KCNMA1: variants seen among roughly 807,000 people sequenced by gnomAD.
KCNMA1 encodes the protein potassium calcium-activated channel subfamily M alpha 1.
KCNMA1 carries 29 observed loss-of-function variants against 140.0 expected under a neutral mutation model. That is an observed-to-expected ratio of 0.21 (90% CI 0.15 to 0.28). KCNMA1 has a LOEUF of 0.28. Ranked by LOEUF, KCNMA1 falls within the 10% of genes least tolerant of loss-of-function variation. KCNMA1 has a pLI of 1.00. For synonymous variants in KCNMA1, 612 were observed against 611.9 expected (o/e 1.00, Z 0.00); for missense variants, 880 against 1,602.2 (o/e 0.55, Z 7.70).
At chr10:77,330,071 G>A (rs928155289) in intron 2 of KCNMA1, among the ~76,000 whole-genome samples, 5 of 152,072 alleles carry the variant, frequency 3.3e-5, no homozygotes, top group Non-Finnish European at 7.4e-5. Flanking sequence ...CCCTTTCTTT[G>A]TACTGTTTCT....
At chr10:77,119,727 A>T (rs1203350469) in intron 6 of KCNMA1, among the ~76,000 whole-genome samples, 1 of 152,204 alleles carries the variant, frequency 6.6e-6, no homozygotes, top group Non-Finnish European at 1.5e-5. Context: ...GAGGACTGAT[A>T]AATTCTTATC....
chr10:77,256,650 G>A (rs1168913204), intron 2 of KCNMA1, among the ~76,000 whole-genome samples: 1 of 152,102 alleles, frequency 6.6e-6, no homozygotes, highest in Admixed American at 6.6e-5. Flanking sequence ...CTCCTGAGCA[G>A]GTTTTACACA....
intron 5 of KCNMA1, among the ~76,000 whole-genome samples, chr10:77,173,764 T>G (rs17482756): frequency 0.11 from 16,768 of 152,158 alleles, 1,016 homozygotes; most frequent in Middle Eastern, 0.17. Flanking sequence ...GATGTCCAAG[T>G]TGAAAGTCAG....
At chr10:77,434,326 G>C (rs1376132162) in intron 1 of KCNMA1, among the ~76,000 whole-genome samples, 1 of 152,184 alleles carries the variant, frequency 6.6e-6, no homozygotes, top group African/African-American at 2.4e-5. Flanking sequence ...AGTGTGTCTC[G>C]TTCCTGTGGA....
chr10:77,240,308 T>C (rs1329637907), intron 3 of KCNMA1, among the ~76,000 whole-genome samples: 2 of 152,220 alleles, frequency 1.3e-5, no homozygotes, highest in Non-Finnish European at 2.9e-5. Context: ...AAGCTGTAGA[T>C]GATTTATTGG....
chr10:77,153,714 C>T (rs2098450926), intron 5 of KCNMA1, among the ~76,000 whole-genome samples: 1 of 152,080 alleles, frequency 6.6e-6, no homozygotes, highest in South Asian at 2.1e-4. Context: ...TTTTATTCTG[C>T]ATTTCTCAGA....
intron 25 of KCNMA1, among the ~76,000 whole-genome samples, chr10:76,896,523 G>A (rs887601103): frequency 6.6e-6 from 1 of 152,168 alleles, no homozygotes; most frequent in African/African-American, 2.4e-5. Flanking sequence ...GGGATTAAGA[G>A]ATTAAAGACA....
intron 1 of KCNMA1, among the ~76,000 whole-genome samples, chr10:77,559,539 C>T (rs559899034): frequency 6.6e-6 from 1 of 152,208 alleles, no homozygotes; most frequent in Non-Finnish European, 1.5e-5. Flanking sequence ...GAGGCCACAC[C>T]ACCAGCTGTC....
At chr10:77,427,714 TCCATTC>T in intron 1 of KCNMA1, among the ~76,000 whole-genome samples, 1 of 106,126 alleles carries the variant, frequency 9.4e-6, no homozygotes, top group African/African-American at 3.9e-5. Flanking sequence ...TGAGCATCCA[TCCATTC>T]ATTTATTTAT....
chr10:77,129,067 T>C (rs185777588), intron 5 of KCNMA1, among the ~76,000 whole-genome samples: 1 of 152,346 alleles, frequency 6.6e-6, no homozygotes, highest in Non-Finnish European at 1.5e-5. Context: ...GGGTCTGGGA[T>C]ACAAGCTGGG....
At chr10:77,224,517 C>A (rs1269520094) in intron 3 of KCNMA1, among the ~76,000 whole-genome samples, 2 of 152,162 alleles carry the variant, frequency 1.3e-5, no homozygotes, top group Non-Finnish European at 2.9e-5. Context: ...CAGCCCAGAG[C>A]TCAGGAAAGC....
rs188092492 is a variant in KCNMA1 at position 77,393,004 on chromosome 10, G to T, written c.540+10858C>A. 3.2e-3 allele frequency among the ~76,000 whole-genome samples: 482 copies of T among 152,344 alleles called. 2 individuals carry two copies. Among genetic ancestry groups the T allele is most frequent in the Admixed American group, 0.02 (308 of 15,304 alleles). ...AACGTACAGCTCCAGGGAGAGCCCA[G>T]CCCGTTCTCCAGTCCCCAGCCAGCT... On this transcript the variant is annotated intron_variant, in intron 2 of 27. Transcript: ENST00000286628.
At chr10:77,496,424 G>A (rs542492407) in intron 1 of KCNMA1, among the ~76,000 whole-genome samples, 21 of 151,912 alleles carry the variant, frequency 1.4e-4, no homozygotes, top group Admixed American at 7.2e-4. Flanking sequence ...GTGAAACCCC[G>A]TCTCTACTAA....
chr10:77,309,037 A>C (rs1312080040), intron 2 of KCNMA1, among the ~76,000 whole-genome samples: 1 of 152,096 alleles, frequency 6.6e-6, no homozygotes, highest in Non-Finnish European at 1.5e-5. Flanking sequence ...CCCTTACCCA[A>C]AGGAGCCCGG....
chr10:77,368,307 T>G (rs1174446255), intron 2 of KCNMA1, among the ~76,000 whole-genome samples: 3 of 152,198 alleles, frequency 2.0e-5, no homozygotes, highest in Non-Finnish European at 4.4e-5. Flanking sequence ...CTGATGTTCT[T>G]TTTCTGAGCT....
At chr10:77,398,754 T>C (rs1212867957) in intron 2 of KCNMA1, among the ~76,000 whole-genome samples, 1 of 152,214 alleles carries the variant, frequency 6.6e-6, no homozygotes, top group East Asian at 1.9e-4. Context: ...CTAGAATATT[T>C]ACTATCTGGC....
At chr10:77,595,346 CAAAAAAAAA>C (rs138290466) in intron 1 of KCNMA1, among the ~76,000 whole-genome samples, 2 of 58,214 alleles carry the variant, frequency 3.4e-5, no homozygotes, top group African/African-American at 6.9e-5. Flanking sequence ...GACTCTGTCT[CAAAAAAAAA>C]AAAAAAAAAA....
intron 1 of KCNMA1, among the ~76,000 whole-genome samples, chr10:77,414,226 C>T (rs183167337): frequency 6.6e-5 from 10 of 152,310 alleles, no homozygotes; most frequent in Admixed American, 2.6e-4. Flanking sequence ...TTACTTTGCA[C>T]GCACTGTCTC....
intron 20 of KCNMA1, among the ~76,000 whole-genome samples, chr10:76,957,127 CAAAAAA>C (rs569115924): frequency 7.8e-4 from 56 of 71,370 alleles, no homozygotes; most frequent in African/African-American, 3.2e-3. Flanking sequence ...GACTCTGTCT[CAAAAAA>C]AAAAAAAAAA....
Sources: gnomAD v4.1 joint callset for allele counts (sites outside exome capture counted in the v4.1 genomes callset) on GRCh38, gnomAD v4.1.1 for gene constraint, MANE v1.5 for transcripts, NCBI Gene and HGNC (gene_info 2026-07-23, HGNC 2026-07-21) for gene names.